GTF2E2: variants seen among roughly 807,000 people sequenced by gnomAD.
GTF2E2 encodes the protein general transcription factor IIE subunit 2.
Under a neutral mutation model 40.5 loss-of-function variants are expected in GTF2E2, and 21 were observed. That is an observed-to-expected ratio of 0.52 (90% CI 0.37 to 0.75). GTF2E2 has a LOEUF of 0.75. Ranked by LOEUF, GTF2E2 falls within the 30% of genes least tolerant of loss-of-function variation. The probability of loss-of-function intolerance (pLI) is 0.00; values close to 1 mark genes in which losing one functional copy is unlikely to be tolerated. For synonymous variants in GTF2E2, 117 were observed against 121.6 expected, an observed-to-expected ratio of 0.96 and a Z score of 0.25; for missense variants, 298 against 338.4, an observed-to-expected ratio of 0.88 and a Z score of 0.94.
chr8:30,627,143 G>T (rs1338174603), intron 3 of GTF2E2, among the ~76,000 whole-genome samples: 1 of 152,154 alleles, frequency 6.6e-6, no homozygotes. Flanking sequence ...AACAGTGTAA[G>T]TTGACAAATT....
At chr8:30,596,467 T>A (rs923835315) in intron 6 of GTF2E2, among the ~76,000 whole-genome samples, 16 of 152,224 alleles carry the variant, frequency 1.1e-4, no homozygotes, top group Non-Finnish European at 1.8e-4. Flanking sequence ...ACAGTGTCTA[T>A]CTCTCTGCTG....
intron 3 of GTF2E2, among the ~76,000 whole-genome samples, 177 bp downstream of exon 3, chr8:30,634,855 A>G (rs1312871755): frequency 6.6e-6 from 1 of 152,226 alleles, no homozygotes; most frequent in Non-Finnish European, 1.5e-5. Context: ...CACAATGCCA[A>G]ATTAATACAA....
chr8:30,607,960 T>C (rs548587740), intron 5 of GTF2E2, among the ~76,000 whole-genome samples: 23 of 152,352 alleles, frequency 1.5e-4, no homozygotes, highest in African/African-American at 5.5e-4. Flanking sequence ...TCTTACTGCA[T>C]TGCCCAAAGG....
intron 2 of GTF2E2, chr8:30,636,883 T>C: frequency 2.6e-6 from 1 of 390,280 alleles, no homozygotes; most frequent in South Asian, 1.9e-5. Context: ...AAGAATGCCT[T>C]ATAGGTGCTT....
rs180932756 is a variant in GTF2E2, at chr8:30,650,339, T to C, written c.166+3094A>G. Among the ~76,000 whole-genome samples the C allele has an allele frequency of 2.0e-5, 3 of 152,222 alleles. No individual in the cohort carries two copies. In the East Asian group the frequency reaches 5.8e-4, roughly 29 times the overall value. On this transcript the variant is annotated intron_variant, in intron 2 of 7. Transcript: ENST00000355904. ...ATTAATAGACTAAAGAGTGAGAACA[T>C]GCTCATCTCATTAGATACATAAAAA...
intron 3 of GTF2E2, among the ~76,000 whole-genome samples, chr8:30,628,813 C>T (rs1801356749): frequency 6.6e-6 from 1 of 152,094 alleles, no homozygotes; most frequent in Non-Finnish European, 1.5e-5. Flanking sequence ...CGCCTGTAAT[C>T]CCAGCTACTT....
chr8:30,592,284 T>A (rs1353920902), intron 6 of GTF2E2, among the ~76,000 whole-genome samples: 1 of 152,090 alleles, frequency 6.6e-6, no homozygotes, highest in African/African-American at 2.4e-5. Flanking sequence ...GAGGCTGAGA[T>A]AGGAGGATCG....
At chr8:30,586,214 T>A (rs769536652) in intron 6 of GTF2E2, among the ~76,000 whole-genome samples, 1 of 152,194 alleles carries the variant, frequency 6.6e-6, no homozygotes, top group Non-Finnish European at 1.5e-5. Context: ...ACTTTGCAGT[T>A]CCAGAAAATA....
intron 3 of GTF2E2, among the ~76,000 whole-genome samples, chr8:30,632,293 C>T (rs1337969955): frequency 1.3e-5 from 2 of 152,112 alleles, no homozygotes; most frequent in African/African-American, 4.8e-5. Flanking sequence ...AATACCTTAG[C>T]AGTATCTTTT....
chr8:30,597,576 T>G (rs1437218440), intron 6 of GTF2E2: 1 of 152,224 alleles, frequency 6.6e-6, no homozygotes, highest in Non-Finnish European at 1.5e-5. Context: ...GGTAAACAAG[T>G]GCTCAGGTCT....
intron 2 of GTF2E2, chr8:30,645,163 C>A: frequency 3.4e-6 from 3 of 870,474 alleles, no homozygotes; most frequent in African/African-American, 1.7e-5. Context: ...ACCATTTAGG[C>A]ATTAATTAAG....
chr8:30,655,911 A>G (rs1337038430), intron 1 of GTF2E2, among the ~76,000 whole-genome samples: 2 of 151,998 alleles, frequency 1.3e-5, no homozygotes, highest in Non-Finnish European at 2.9e-5. Context: ...CCTGGGCTCA[A>G]GCGATTCTCC....
chr8:30,652,584 G>T (rs889681409), intron 2 of GTF2E2, among the ~76,000 whole-genome samples: 1 of 151,504 alleles, frequency 6.6e-6, no homozygotes, highest in Non-Finnish European at 1.5e-5. Flanking sequence ...CGTTAGCAAG[G>T]ATGAGAAAAA....
intron 3 of GTF2E2, among the ~76,000 whole-genome samples, chr8:30,629,279 C>T (rs887039363): frequency 6.6e-6 from 1 of 152,162 alleles, no homozygotes; most frequent in South Asian, 2.1e-4. Context: ...ATGAGCCAGT[C>T]ATTTAATGTC....
At chr8:30,638,299 G>C (rs1801681470) in intron 2 of GTF2E2, among the ~76,000 whole-genome samples, 1 of 152,124 alleles carries the variant, frequency 6.6e-6, no homozygotes, top group Non-Finnish European at 1.5e-5. Flanking sequence ...TTATCTTCCA[G>C]CCCTAGCACT....
rs147864266 is a variant in GTF2E2, at chr8:30,618,374, A to T, written c.259-3659T>A. The stretch of plus-strand genomic sequence containing the variant: ...AAGTGGCTCCTTCATCACTAGTAGT[A>T]AAGTGGCTCCTTCGCTTCATGTCAG... On this transcript the variant is annotated intron_variant, in intron 3 of 7. Transcript: ENST00000355904. Among the ~76,000 whole-genome samples the T allele has an allele frequency of 7.2e-5, 11 of 152,234 alleles. No individual in the cohort carries two copies. The East Asian group carries it at 1.7e-3, about 24-fold the overall frequency.
intron 2 of GTF2E2, among the ~76,000 whole-genome samples, chr8:30,649,265 T>C (rs1802196394): frequency 6.6e-6 from 1 of 152,086 alleles, no homozygotes; most frequent in South Asian, 2.1e-4. Context: ...AAAATTATTA[T>C]TGCTACAATT....
chr8:30,638,730 T>C (rs1211921406), intron 2 of GTF2E2: 1 of 152,556 alleles, frequency 6.6e-6, no homozygotes, highest in Non-Finnish European at 1.5e-5. Context: ...CCAGAAAGCT[T>C]TGCTCCTACT....
intron 6 of GTF2E2, among the ~76,000 whole-genome samples, chr8:30,589,525 C>T (rs536174253): frequency 1.2e-4 from 18 of 152,342 alleles, no homozygotes; most frequent in African/African-American, 2.2e-4. Flanking sequence ...TGTGCCATTA[C>T]ATTCCAGCCT....
Sources: gnomAD v4.1 joint callset for allele counts (sites outside exome capture counted in the v4.1 genomes callset) on GRCh38, gnomAD v4.1.1 for gene constraint, MANE v1.5 for transcripts, NCBI Gene and HGNC (gene_info 2026-07-23, HGNC 2026-07-21) for gene names.